CACNA1E: variants seen among roughly 807,000 people sequenced by gnomAD.
CACNA1E encodes voltage-dependent R-type calcium channel subunit alpha-1E.
A neutral mutation model predicts 259.2 loss-of-function variants in CACNA1E; 40 were observed. That is an observed-to-expected ratio of 0.15 (90% confidence interval 0.12 to 0.20). The LOEUF (loss-of-function observed/expected upper bound fraction) is 0.20, where lower values mean the gene tolerates loss of function less well. Among genes scored for constraint, CACNA1E ranks in the 10% least tolerant of loss-of-function variants. The probability of loss-of-function intolerance (pLI) is 1.00; values close to 1 mark genes in which losing one functional copy is unlikely to be tolerated. For synonymous variants in CACNA1E, 1,104 were observed against 1,138.5 expected (o/e 0.97, Z 0.61); for missense variants, 1,874 against 3,040.1 (o/e 0.62, Z 9.02).
At chr1:181,333,093 C>T (rs372823719) in intron 1 of CACNA1E, among the ~76,000 whole-genome samples, 11 of 152,304 alleles carry the variant, frequency 7.2e-5, no homozygotes, top group African/African-American at 2.6e-4. Context: ...GCTACCTACA[C>T]CTTGAAGGAA....
At chr1:181,777,812 C>T (rs1660093858) in intron 38 of CACNA1E, among the ~76,000 whole-genome samples, 3 of 152,202 alleles carry the variant, frequency 2.0e-5, no homozygotes. Context: ...GCCTCTGTTA[C>T]CATGGATATC....
chr1:181,597,092 C>A (rs925498945), intron 6 of CACNA1E, among the ~76,000 whole-genome samples: 3 of 152,128 alleles, frequency 2.0e-5, no homozygotes, highest in African/African-American at 7.2e-5. Flanking sequence ...ATCTCCTTAT[C>A]TCTCATTCCT....
chr1:181,759,592 C>A (rs1482278546), intron 32 of CACNA1E, among the ~76,000 whole-genome samples: 1 of 152,112 alleles, frequency 6.6e-6, no homozygotes, highest in Admixed American at 6.5e-5. Context: ...AAAATCCAGC[C>A]CTTGGCTTCA....
At chr1:181,423,027 T>G (rs1442426840) in intron 2 of CACNA1E, among the ~76,000 whole-genome samples, 19 of 152,222 alleles carry the variant, frequency 1.2e-4, no homozygotes, top group Non-Finnish European at 1.5e-5. Context: ...CCCCTTAATC[T>G]TACCCATCAT....
At chr1:181,710,577 T>C (rs539048705) in intron 7 of CACNA1E, among the ~76,000 whole-genome samples, 7,026 of 129,314 alleles carry the variant, frequency 0.054, 190 homozygotes, top group Non-Finnish European at 0.082. Flanking sequence ...TAATCACTAT[T>C]GTTATCAAAA....
At chr1:181,738,690 G>T (rs940620113) in intron 24 of CACNA1E, among the ~76,000 whole-genome samples, 19 of 152,198 alleles carry the variant, frequency 1.2e-4, no homozygotes, top group African/African-American at 4.1e-4. Context: ...CAGGGTTGGG[G>T]CCTGCACTCC....
At chr1:181,510,192 T>C (rs1409771917) in intron 1 of CACNA1E, among the ~76,000 whole-genome samples, 2 of 152,326 alleles carry the variant, frequency 1.3e-5, no homozygotes, top group East Asian at 3.9e-4. Flanking sequence ...GTAGCTGGAG[T>C]GTCTGCCATA....
intron 1 of CACNA1E, among the ~76,000 whole-genome samples, chr1:181,350,434 C>A (rs1197290902): frequency 1.3e-5 from 2 of 152,194 alleles, no homozygotes; most frequent in Non-Finnish European, 2.9e-5. Flanking sequence ...TTCTCCTGCT[C>A]TTTTTCTGCT....
chr1:181,614,814 A>T (rs1438232454), intron 6 of CACNA1E, among the ~76,000 whole-genome samples: 1 of 152,206 alleles, frequency 6.6e-6, no homozygotes, highest in Non-Finnish European at 1.5e-5. Context: ...TTGTGCATTC[A>T]TGACATACCT....
intron 7 of CACNA1E, among the ~76,000 whole-genome samples, chr1:181,669,259 G>C (rs1368409613): frequency 6.6e-6 from 1 of 152,082 alleles, no homozygotes; most frequent in East Asian, 1.9e-4. Flanking sequence ...TAAAGAAAAG[G>C]TCCAAATTAA....
At chr1:181,548,732 G>A (rs942690449) in intron 3 of CACNA1E, among the ~76,000 whole-genome samples, 3 of 152,222 alleles carry the variant, frequency 2.0e-5, no homozygotes, top group African/African-American at 7.2e-5. Flanking sequence ...AGGAGGGTTT[G>A]GGATGGTTTC....
chr1:181,781,083 G>A (rs531723985), intron 38 of CACNA1E, among the ~76,000 whole-genome samples: 4 of 152,260 alleles, frequency 2.6e-5, no homozygotes, highest in East Asian at 1.9e-4. Context: ...AATGCTAATC[G>A]AGGAGAAAAT....
At chr1:181,533,930 G>A (rs1933053) in intron 3 of CACNA1E, among the ~76,000 whole-genome samples, 23,047 of 151,976 alleles carry the variant, frequency 0.15, 1,955 homozygotes, top group African/African-American at 0.21. Flanking sequence ...GTAAAAGTTT[G>A]TTAGTTAAAA....
chr1:181,438,221 T>C (rs1274502355), intron 2 of CACNA1E, among the ~76,000 whole-genome samples: 1 of 152,206 alleles, frequency 6.6e-6, no homozygotes, highest in Non-Finnish European at 1.5e-5. Flanking sequence ...CACGGCCACT[T>C]CCACCCACTG....
chr1:181,555,961 G>T (rs1648676435), intron 3 of CACNA1E, among the ~76,000 whole-genome samples: 1 of 152,136 alleles, frequency 6.6e-6, no homozygotes, highest in East Asian at 1.9e-4. Flanking sequence ...TCTATATAAA[G>T]GCATGAAATG....
At chr1:181,715,281 C>T in intron 8 of CACNA1E, 57 bp from the exon 9 acceptor site, 1 of 1,074,622 alleles carries the variant, frequency 9.3e-7, no homozygotes, top group Admixed American at 1.9e-5. Flanking sequence ...GGATTTTAAT[C>T]TTGCAGAATA....
chr1:181,771,261 G>T lies in CACNA1E; in HGVS notation c.4882-32G>T, dbSNP rs573187265. ...TGGACACATCACACAGCTTGGTAAT[G>T]CTCACTGTTTTCTGTTGTTTCTCTC... On this transcript the variant is annotated intron_variant, in intron 35 of 47. Transcript: ENST00000367573. The T allele has an allele frequency of 3.2e-6, 4 of 1,233,634 alleles. No individual in the cohort carries two copies. In the East Asian group the frequency reaches 7.5e-5, roughly 23 times the overall value. 76.4% of individuals were successfully genotyped at this position (1,233,634 alleles called of 1,614,324 possible). A position where few individuals can be genotyped will look rare whatever the true frequency, so the allele number is the denominator to read the frequency against.
intron 1 of CACNA1E, among the ~76,000 whole-genome samples, chr1:181,391,626 C>T (rs1181899858): frequency 1.3e-5 from 2 of 152,158 alleles, no homozygotes; most frequent in Admixed American, 1.3e-4. Flanking sequence ...AATACTCGGG[C>T]TCCTCTTTTC....
chr1:181,620,697 A>C (rs950069974), intron 6 of CACNA1E, among the ~76,000 whole-genome samples: 3 of 152,218 alleles, frequency 2.0e-5, no homozygotes, highest in African/African-American at 7.2e-5. Context: ...GAAAATTCAA[A>C]TAGTAATGCA....
Sources: gnomAD v4.1 joint callset for allele counts (sites outside exome capture counted in the v4.1 genomes callset) on GRCh38, gnomAD v4.1.1 for gene constraint, MANE v1.5 for transcripts, NCBI Gene and HGNC (gene_info 2026-07-23, HGNC 2026-07-21) for gene names.